Variants in CPEB1 observed in about 807,000 individuals in gnomAD.
CPEB1 encodes the protein cytoplasmic polyadenylation element-binding protein 1.
CPEB1 carries 7 observed loss-of-function variants against 65.8 expected under a neutral mutation model. The ratio of observed to expected loss-of-function variants is 0.11; its 90% CI spans 0.06 to 0.20. The LOEUF (loss-of-function observed/expected upper bound fraction) is 0.20. Ranked by LOEUF, CPEB1 falls within the 10% of genes least tolerant of loss-of-function variation. CPEB1 has a pLI of 1.00. For missense variants in CPEB1, 551 were observed against 712.2 expected (o/e 0.77, Z 2.58); for synonymous variants, 262 against 260.0 (o/e 1.01, Z -0.08).
rs369971803 is a variant in CPEB1 at position 82,552,576 on chromosome 15, T to C, written c.1185A>G (p.Arg395=). ...CATGAGAGCAAGCCTGAAGCAAGGA[T>C]CGGACAGACTTCTCTAGTTCGAAGA... ...YLVFELEKSV[R]SLLQACSHDP... Residue 395 remains arginine, a synonymous_variant, in exon 9 of 13, where the codon CGA becomes CGG. Coordinates refer to ENST00000684509, the MANE Select transcript of CPEB1 (RefSeq NM_001365242.1). 3.8e-5 allele frequency: 61 copies of C among 1,613,952 alleles called. 1 individual carries two copies. The East Asian group carries it at 5.1e-4, about 14-fold the overall frequency.
intron 3 of CPEB1, among the ~76,000 whole-genome samples, chr15:82,607,232 G>C (rs1296596175): frequency 6.6e-6 from 1 of 152,106 alleles, no homozygotes; most frequent in Non-Finnish European, 1.5e-5. Flanking sequence ...TGACAGAATG[G>C]ACTTTTTAAA....
chr15:82,644,884 T>C (rs957877115), intron 1 of CPEB1, among the ~76,000 whole-genome samples: 5 of 152,264 alleles, frequency 3.3e-5, no homozygotes, highest in Admixed American at 3.3e-4. Flanking sequence ...GTGCTGAGCC[T>C]GGAGTCTTAC....
chr15:82,610,958 CAAAAAAAAAAAA>C (rs60065545), intron 3 of CPEB1, among the ~76,000 whole-genome samples: 17 of 30,020 alleles, frequency 5.7e-4, no homozygotes, highest in East Asian at 3.1e-3. Flanking sequence ...ACTCCAGTCT[CAAAAAAAAAAAA>C]AAAAAAAAAA....
In CPEB1 at chr15:82,553,460, A is replaced by G; in HGVS notation, c.1144+7T>C. 2 of 1,610,968 alleles carry G rather than the reference A, an allele frequency of 1.2e-6. No individual in the cohort carries two copies. Among genetic ancestry groups the G allele is most frequent in the Middle Eastern group, 1.7e-4 (1 of 6,052 alleles). On this transcript the variant is annotated splice_region_variant and intron_variant, in intron 8 of 12. Coordinates refer to ENST00000684509, the MANE Select transcript of CPEB1 (RefSeq NM_001365242.1). ...TACCATGTCTTTATTACCTTTAGGC[A>G]TATTACCTTTGGGAGGACACCGGGG...
chr15:82,647,741 G>A (rs1160708127), upstream of CPEB1: 46 of 962,018 alleles, frequency 4.8e-5, 1 homozygote, highest in Non-Finnish European at 5.9e-5. Context: ...CCCGGGACTC[G>A]CCCGCACGGG....
intron 3 of CPEB1, among the ~76,000 whole-genome samples, chr15:82,581,839 A>G (rs1207140272): frequency 1.3e-5 from 2 of 152,148 alleles, no homozygotes; most frequent in Non-Finnish European, 2.9e-5. Flanking sequence ...GCAGCATTCT[A>G]CCTCACTGGT....
intron 3 of CPEB1, among the ~76,000 whole-genome samples, chr15:82,593,918 T>C (rs561878288): frequency 1.3e-5 from 2 of 152,194 alleles, no homozygotes; most frequent in South Asian, 2.1e-4. Context: ...GTCTCAACAG[T>C]GGGCTTTAAA....
Position 82,544,396 on chromosome 15 carries a change from A to G in CPEB1, c.*196T>C. The G allele has an allele frequency of 1.8e-6, 1 of 555,852 alleles. No homozygotes were observed. Among genetic ancestry groups the G allele is most frequent in the Non-Finnish European group, 3.2e-6 (1 of 314,866 alleles). 34.4% of individuals were successfully genotyped at this position (555,852 alleles called of 1,614,324 possible). On this transcript the variant is annotated 3_prime_UTR_variant, in exon 13 of 13. Coordinates refer to ENST00000684509, the MANE Select transcript of CPEB1 (RefSeq NM_001365242.1). ...TCCTTGCCCTTGGTACACCCCCTGA[A>G]AACAAAACCTGACAAAACTCAATGT...
chr15:82,647,919 G>A (rs972268854), upstream of CPEB1: 163 of 1,226,214 alleles, frequency 1.3e-4, no homozygotes, highest in Admixed American at 7.3e-4. Context: ...GCCAGCCGGC[G>A]GGCGAGAGAC....
At chr15:82,647,835 C>G, upstream of CPEB1, 1 of 1,281,586 alleles carries the variant, frequency 7.8e-7, no homozygotes, top group Non-Finnish European at 9.8e-7. Flanking sequence ...CCCGCCCAGG[C>G]GAGCGGCGGG....
intron 9 of CPEB1, among the ~76,000 whole-genome samples, chr15:82,549,967 A>G (rs2035959458): frequency 6.6e-6 from 1 of 152,168 alleles, no homozygotes; most frequent in Admixed American, 6.5e-5. Context: ...ATTCTATTTC[A>G]ACCTCCAACT....
At position 82,557,907 on chromosome 15, in the gene CPEB1, C is replaced by G. The variant is rs756630178; in HGVS notation, c.540G>C (p.Gly180=). 5.0e-6 allele frequency: 8 copies of G among 1,614,104 alleles called. No homozygotes were observed. The Admixed American group carries it at 6.7e-5, about 13-fold the overall frequency. The change falls in exon 5 of 13, where the codon GGG becomes GGC. Residue 180 remains glycine (G), a synonymous_variant. Coordinates refer to ENST00000684509, the MANE Select transcript of CPEB1 (RefSeq NM_001365242.1). Reference sequence around the variant, plus strand: ...CTGGAAACTTGTCCACCAAGTCAGACCCAAGGGGATCCAGAGGCAGGAAGC... The same window carrying G: ...CTGGAAACTTGTCCACCAAGTCAGAGCCAAGGGGATCCAGAGGCAGGAAGC... ...PLSFLPLDPL[G]SDLVDKFPAP... is the part of the protein sequence containing the mutation.
At chr15:82,571,652 G>T (rs1737558088) in intron 3 of CPEB1, 120 bp from the exon 4 acceptor site, 1 of 1,460,202 alleles carries the variant, frequency 6.8e-7, no homozygotes, top group Non-Finnish European at 9.0e-7. Context: ...CATCCAAGCT[G>T]GCTGGATGCT....
At chr15:82,609,475 T>A (rs2043928446) in intron 3 of CPEB1, among the ~76,000 whole-genome samples, 1 of 151,520 alleles carries the variant, frequency 6.6e-6, no homozygotes, top group African/African-American at 2.4e-5. Flanking sequence ...CACTCCAGCC[T>A]GGGCAACAGA....
chr15:82,628,153 C>T lies in CPEB1; in HGVS notation c.96+211G>A, dbSNP rs183470527. ...AGAATTACACCAGTGACAATGCCAT[C>T]ATTGTTACAGAAAAATCCATGAAAG... is the stretch of plus-strand genomic sequence containing the variant. On this transcript the variant is annotated intron_variant, in intron 2 of 12. Coordinates refer to ENST00000684509, the MANE Select transcript of CPEB1 (RefSeq NM_001365242.1). 179 of 697,570 alleles carry T rather than the reference C, an allele frequency of 2.6e-4. No individual in the cohort carries two copies. In the African/African-American group the frequency reaches 2.9e-3, roughly 11 times the overall value. The allele number at this position is 697,570 out of a possible 1,614,324, so 43.2% of individuals were successfully genotyped here.
chr15:82,571,914 GAC>G (rs1327050644), intron 3 of CPEB1: 1 of 966,660 alleles, frequency 1.0e-6, no homozygotes, highest in Non-Finnish European at 1.2e-6. Context: ...CCCAGGGAAA[GAC>G]AGCACAACAG....
chr15:82,566,634 G>GC (rs1362430203), intron 4 of CPEB1, among the ~76,000 whole-genome samples: 1 of 152,080 alleles, frequency 6.6e-6, no homozygotes, highest in East Asian at 1.9e-4. Flanking sequence ...TGATCATCAG[G>GC]CAAGTTCCAT....
At chr15:82,616,263 CTG>C (rs911501251) in intron 3 of CPEB1, among the ~76,000 whole-genome samples, 17 of 152,152 alleles carry the variant, frequency 1.1e-4, no homozygotes, top group African/African-American at 3.9e-4. Flanking sequence ...ATACTTTAAA[CTG>C]TGCATTTTCC....
At chr15:82,576,205 A>G (rs182315139) in intron 3 of CPEB1, among the ~76,000 whole-genome samples, 12 of 152,364 alleles carry the variant, frequency 7.9e-5, no homozygotes, top group African/African-American at 2.6e-4. Flanking sequence ...CATAAGTTAC[A>G]TATGTATATA....
Sources: gnomAD v4.1 joint callset for allele counts (sites outside exome capture counted in the v4.1 genomes callset) on GRCh38, gnomAD v4.1.1 for gene constraint, MANE v1.5 for transcripts, NCBI Gene and HGNC (gene_info 2026-07-23, HGNC 2026-07-21) for gene names.